Variants in ABR observed in about 807,000 individuals in gnomAD.
ABR encodes ABR activator of RhoGEF and GTPase.
Under a neutral mutation model 107.2 loss-of-function variants are expected in ABR, and 35 were observed. That is an observed-to-expected ratio of 0.33 (90% confidence interval 0.25 to 0.43). ABR has a LOEUF of 0.43. ABR is among the 20% of genes least tolerant of loss of function. The pLI, the probability that ABR is intolerant of heterozygous loss-of-function variation, is 1.00. For synonymous variants in ABR, 498 were observed against 462.0 expected (o/e 1.08, Z -1.00); for missense variants, 815 against 1,115.2 (o/e 0.73, Z 3.83).
At chr17:1,069,349 GTTAA>G (rs1322695378) in intron 9 of ABR, among the ~76,000 whole-genome samples, 1 of 152,134 alleles carries the variant, frequency 6.6e-6, no homozygotes, top group Non-Finnish European at 1.5e-5. Flanking sequence ...GTGAAATTAA[GTTAA>G]TTAATATAGT....
intron 1 of ABR, among the ~76,000 whole-genome samples, chr17:1,195,176 G>A (rs1421454930): frequency 3.4e-5 from 5 of 147,792 alleles, no homozygotes; most frequent in South Asian, 2.2e-4. Context: ...GCGCAGTGGC[G>A]GGCGCCTGTA....
chr17:1,069,951 C>T lies in ABR; in HGVS notation c.1016+18G>A. 1.2e-6 allele frequency: 2 copies of T among 1,607,696 alleles called. No individual in the cohort carries two copies. Among genetic ancestry groups the T allele is most frequent in the Middle Eastern group, 1.7e-4 (1 of 5,856 alleles). On this transcript the variant is annotated intron_variant, in intron 9 of 22. Coordinates refer to ENST00000302538, the MANE Select transcript of ABR (RefSeq NM_021962.5). ...GGACCCCCTCCCCCGCCCCGTGCCC[C>T]TGGACTCACACACTCACCCTGCAGA...
chr17:1,028,962 A>C (rs2072475626), intron 16 of ABR, among the ~76,000 whole-genome samples: 1 of 152,202 alleles, frequency 6.6e-6, no homozygotes, highest in East Asian at 1.9e-4. Context: ...TTCCTCCTTC[A>C]GCCCCTTCCC....
At chr17:1,109,239 G>A (rs2038494114) in intron 2 of ABR, 7 of 816,498 alleles carry the variant, frequency 8.6e-6, no homozygotes, top group Non-Finnish European at 1.0e-5. Flanking sequence ...CCGCTCCGCC[G>A]CCGCCGCCGC....
At chr17:1,099,817 C>A (rs2037742388) in intron 3 of ABR, among the ~76,000 whole-genome samples, 1 of 152,190 alleles carries the variant, frequency 6.6e-6, no homozygotes, top group Admixed American at 6.5e-5. Flanking sequence ...TGCCTCAGAG[C>A]TGTGCCGCTT....
At chr17:1,153,026 T>G (rs2040863461) in intron 1 of ABR, among the ~76,000 whole-genome samples, 1 of 151,936 alleles carries the variant, frequency 6.6e-6, no homozygotes, top group African/African-American at 2.4e-5. Flanking sequence ...GAGCCGAGAT[T>G]GCACCATTGC....
upstream of ABR, among the ~76,000 whole-genome samples, chr17:1,180,713 A>G (rs2042107044): frequency 6.6e-6 from 1 of 152,212 alleles, no homozygotes; most frequent in Admixed American, 6.5e-5. Context: ...AATGGTGGGA[A>G]GTCGGGTCAA....
rs1174023392 is a variant in ABR at position 1,010,939 on chromosome 17, C to T, written c.2102-76G>A. 1.9e-6 allele frequency: 3 copies of T among 1,571,210 alleles called. No homozygotes were observed. The highest frequency in any genetic ancestry group is 2.7e-5 in the African/African-American group (2 of 74,486). The stretch of plus-strand genomic sequence containing the variant: ...GTTCCACCCCCGACCCATCCTGACA[C>T]AGCCCCCACCCACTCCAGCTCTGGT... On this transcript the variant is annotated intron_variant, in intron 19 of 22. Coordinates refer to ENST00000302538, the MANE Select transcript of ABR (RefSeq NM_021962.5). This position sits in a 1 kb window ranked among gnomAD's most constrained non-coding sequence, Gnocchi z 4.1.
intron 3 of ABR, among the ~76,000 whole-genome samples, chr17:1,098,451 A>C (rs2037636994): frequency 6.6e-6 from 1 of 152,314 alleles, no homozygotes; most frequent in South Asian, 2.1e-4. Flanking sequence ...ATACAGGCAC[A>C]CAGACAGACA....
At chr17:1,114,854 A>C (rs1321054101) in intron 2 of ABR, among the ~76,000 whole-genome samples, 1 of 152,014 alleles carries the variant, frequency 6.6e-6, no homozygotes, top group Non-Finnish European at 1.5e-5. Flanking sequence ...CAATGACATG[A>C]GTTTAGTCTG....
intron 6 of ABR, among the ~76,000 whole-genome samples, 162 bp from the exon 7 acceptor site, chr17:1,073,839 C>T (rs1372815192): frequency 6.6e-6 from 1 of 151,940 alleles, no homozygotes; most frequent in East Asian, 1.9e-4. Context: ...GTTCTCACTC[C>T]CCGGGCCGAC....
chr17:1,080,084 A>T (rs1241631972), intron 5 of ABR, among the ~76,000 whole-genome samples: 2 of 152,106 alleles, frequency 1.3e-5, no homozygotes, highest in African/African-American at 4.8e-5. Flanking sequence ...GCCAATCTTT[A>T]GGGCATGAGG....
At chr17:1,187,530 G>C (rs1377651388), upstream of ABR, among the ~76,000 whole-genome samples, 5 of 152,224 alleles carry the variant, frequency 3.3e-5, no homozygotes, top group African/African-American at 7.2e-5. Flanking sequence ...GGGAAGGAGA[G>C]AGCAGAAGCC....
intron 16 of ABR, among the ~76,000 whole-genome samples, chr17:1,039,889 G>A (rs923802858): frequency 6.6e-5 from 10 of 152,186 alleles, no homozygotes; most frequent in South Asian, 2.1e-4. Flanking sequence ...TCCAGGGAGA[G>A]GTCACTCCGG....
chr17:1,028,858 G>A (rs748150149), intron 16 of ABR, among the ~76,000 whole-genome samples: 2 of 149,548 alleles, frequency 1.3e-5, no homozygotes, highest in Non-Finnish European at 3.0e-5. Context: ...CAACTTCCCC[G>A]ACAGACAAAT....
chr17:1,079,106 G>T, intron 6 of ABR: 1 of 1,436,440 alleles, frequency 7.0e-7, no homozygotes, highest in Non-Finnish European at 9.1e-7. Context: ...ATCCTAAAGA[G>T]GAGCACGTTT....
In ABR at chr17:1,010,777, C is replaced by T. The variant is rs1460369847; in HGVS notation, c.2188G>A (p.Glu730Lys). The part of the protein sequence containing the change: ...TLKLYFRELP[E>K]PLLTDRLYPA... Reference sequence around the variant, plus strand: ...TAGAGTCGGTCCGTGAGGAGCGGCTCGGGCAGTTCCCGGAAGTACAGCTTG... The same window carrying T: ...TAGAGTCGGTCCGTGAGGAGCGGCTTGGGCAGTTCCCGGAAGTACAGCTTG... The change falls in exon 20 of 23, where the codon GAG becomes AAG. Residue 730 changes from glutamate to lysine, a missense_variant. Around this residue, in one of 5 missense-constraint regions of ABR, gnomAD observed 175 missense variants for 284.3 expected, o/e 0.62. Coordinates refer to ENST00000302538, the MANE Select transcript of ABR (RefSeq NM_021962.5). The surrounding 1 kb of genome is among the most constrained non-coding windows in gnomAD (Gnocchi z 4.1). 13 of 1,613,686 alleles carry T rather than the reference C, an allele frequency of 8.1e-6. No individual in the cohort carries two copies. The highest frequency in any genetic ancestry group is 5.9e-6 in the Non-Finnish European group (7 of 1,180,030).
chr17:1,027,336 A>G lies in ABR; in HGVS notation c.1792-14172T>C, dbSNP rs899907415. 1.3e-5 allele frequency among the ~76,000 whole-genome samples: 2 copies of G among 152,214 alleles called. No homozygotes were observed. The highest frequency in any genetic ancestry group is 2.9e-5 in the Non-Finnish European group (2 of 68,028). On this transcript the variant is annotated intron_variant, in intron 16 of 22. Coordinates refer to ENST00000302538, the MANE Select transcript of ABR (RefSeq NM_021962.5). This position sits in a 1 kb window ranked among gnomAD's most constrained non-coding sequence, Gnocchi z 4.7. The stretch of plus-strand genomic sequence containing the variant: ...GGTACCAAGAAGCGGCACCTTGCCA[A>G]GTTCACTCAGAGCAGGGTTCCCGCC...
rs1234622937 is a variant in ABR, at chr17:1,110,005, T to C, written c.247-9270A>G. On this transcript the variant is annotated intron_variant, in intron 2 of 22. Transcript: ENST00000302538. Reference sequence around the variant, plus strand: ...GGACCCCCACCTCCTCTGAGCAGCCTCCCACCTACTCACAGGCACTGCTGA... The same window carrying C: ...GGACCCCCACCTCCTCTGAGCAGCCCCCCACCTACTCACAGGCACTGCTGA... Among the ~76,000 whole-genome samples the C allele has an allele frequency of 4.8e-5, 5 of 103,178 alleles. No homozygotes were observed. The Admixed American group carries it at 6.1e-4, about 13-fold the overall frequency. 67.7% of individuals were successfully genotyped at this position (103,178 alleles called of 152,430 possible). A position where few individuals can be genotyped will look rare whatever the true frequency, so the allele number is the denominator to read the frequency against.
Sources: gnomAD v4.1 joint callset for allele counts (sites outside exome capture counted in the v4.1 genomes callset) on GRCh38, gnomAD v4.1.1 for gene constraint, gnomAD v4.1.1 regional missense constraint, Gnocchi (gnomAD v3.1) non-coding constraint, MANE v1.5 for transcripts, NCBI Gene and HGNC (gene_info 2026-07-23, HGNC 2026-07-21) for gene names.